The following ITGBL1 variants were observed in gnomAD, a reference collection of about 807,000 sequenced individuals.
ITGBL1 encodes the protein integrin beta-like protein 1.
A neutral mutation model predicts 68.5 loss-of-function variants in ITGBL1; 51 were observed. That is an observed-to-expected ratio of 0.74 (90% CI 0.59 to 0.94). The LOEUF is 0.94. ITGBL1 is among the 40% of genes least tolerant of loss of function. The pLI, the probability that ITGBL1 is intolerant of heterozygous loss-of-function variation, is 0.00. For missense variants in ITGBL1, 649 were observed against 647.4 expected, an observed-to-expected ratio of 1.00 and a Z score of -0.03; for synonymous variants, 209 against 227.3, an observed-to-expected ratio of 0.92 and a Z score of 0.72.
At chr13:101,640,599 T>A (rs1444791416) in intron 7 of ITGBL1, among the ~76,000 whole-genome samples, 5 of 152,214 alleles carry the variant, frequency 3.3e-5, no homozygotes, top group Admixed American at 6.5e-5. Context: ...TAAATTTTTT[T>A]AATTTGCATT....
At chr13:101,475,609 G>A (rs12871610) in intron 2 of ITGBL1, among the ~76,000 whole-genome samples, 2,155 of 152,124 alleles carry the variant, frequency 0.014, 18 homozygotes, top group Non-Finnish European at 0.022. Flanking sequence ...ACCCAAATAA[G>A]ACTACCTCAA....
chr13:101,622,142 G>T (rs1056442508), intron 7 of ITGBL1, among the ~76,000 whole-genome samples: 1 of 152,052 alleles, frequency 6.6e-6, no homozygotes, highest in African/African-American at 2.4e-5. Flanking sequence ...TTAAACTTTT[G>T]TTCTTAAACA....
At chr13:101,692,498 T>G in intron 7 of ITGBL1, 87 bp from the exon 8 acceptor site, 1 of 820,824 alleles carries the variant, frequency 1.2e-6, no homozygotes, top group Non-Finnish European at 2.1e-6. Flanking sequence ...CTAGGAGATT[T>G]GGGTTTAATA....
chr13:101,701,850 G>T (rs2034144138), intron 8 of ITGBL1, among the ~76,000 whole-genome samples: 1 of 152,068 alleles, frequency 6.6e-6, no homozygotes, highest in African/African-American at 2.4e-5. Flanking sequence ...AAGGGAATGG[G>T]ACTTACTGTT....
chr13:101,590,700 G>C (rs7339404), intron 6 of ITGBL1, among the ~76,000 whole-genome samples: 23 of 151,888 alleles, frequency 1.5e-4, no homozygotes, highest in Non-Finnish European at 2.8e-4. Context: ...CCTCACAACA[G>C]ATCTGTCGCT....
rs549429349 is a variant in ITGBL1, at chr13:101,543,040, G to A, written c.317-24659G>A. On this transcript the variant is annotated intron_variant, in intron 2 of 10. Transcript: ENST00000376180. ...TGCCAGTCTGTGTCTTTTAATTGGA[G>A]CATTTAGCCTATTTACATTTAAGGT... Among the ~76,000 whole-genome samples the A allele has an allele frequency of 8.5e-5, 13 of 152,248 alleles. No homozygotes were observed. The South Asian group carries it at 2.5e-3, about 29-fold the overall frequency.
rs962457036 is a variant in ITGBL1, at chr13:101,554,399, C to T, written c.317-13300C>T. On this transcript the variant is annotated intron_variant, in intron 2 of 10. Transcript: ENST00000376180. ...CAGGGCTTTGCCACTGTCACCTGGT[C>T]CCTGCTTATGTCTCATTTCTCTAGC... Among the ~76,000 whole-genome samples, 6 of 152,180 alleles carry T rather than the reference C, an allele frequency of 3.9e-5. No homozygotes were observed. In the East Asian group the frequency reaches 1.2e-3, roughly 29 times the overall value.
At chr13:101,567,648 G>A (rs761535324) in intron 2 of ITGBL1, 51 bp from the exon 3 acceptor site, 13 of 1,571,574 alleles carry the variant, frequency 8.3e-6, no homozygotes, top group Non-Finnish European at 1.1e-5. Context: ...TACAGTAGTG[G>A]TTATCTTTGG....
Position 101,692,581 on chromosome 13 carries a change from C to A in ITGBL1, c.1016-4C>A. The A allele has an allele frequency of 6.3e-7, 1 of 1,599,114 alleles. No individual in the cohort carries two copies. The highest frequency in any genetic ancestry group is 8.6e-7 in the Non-Finnish European group (1 of 1,166,414). ...TAAGTGTGCACTTTCTTTATACTTTCCAGGTAAATGTGAATGTGGCAAATG... is the reference window on the plus strand; with the variant it reads ...TAAGTGTGCACTTTCTTTATACTTTACAGGTAAATGTGAATGTGGCAAATG... On this transcript the variant is annotated splice_region_variant and splice_polypyrimidine_tract_variant and intron_variant, in intron 7 of 10. Coordinates refer to ENST00000376180, the MANE Select transcript of ITGBL1 (RefSeq NM_004791.3).
At chr13:101,556,696 A>G (rs2139225308) in intron 2 of ITGBL1, among the ~76,000 whole-genome samples, 1 of 152,188 alleles carries the variant, frequency 6.6e-6, no homozygotes, top group African/African-American at 2.4e-5. Context: ...ATGTAATTGG[A>G]GTGATTGGAG....
chr13:101,505,993 T>TGACA (rs2049021222), intron 2 of ITGBL1, among the ~76,000 whole-genome samples: 1 of 152,276 alleles, frequency 6.6e-6, no homozygotes, highest in African/African-American at 2.4e-5. Flanking sequence ...GGCCCTGGGA[T>TGACA]GACAGTACAG....
At chr13:101,507,206 A>G (rs2139100069) in intron 2 of ITGBL1, among the ~76,000 whole-genome samples, 1 of 152,234 alleles carries the variant, frequency 6.6e-6, no homozygotes. Context: ...GAGAAGTCAG[A>G]GCTATTTATT....
At chr13:101,643,746 G>A (rs1046950762) in intron 7 of ITGBL1, among the ~76,000 whole-genome samples, 1 of 152,102 alleles carries the variant, frequency 6.6e-6, no homozygotes, top group African/African-American at 2.4e-5. Flanking sequence ...GGCTGGGAGA[G>A]TAGCTTGATC....
intron 6 of ITGBL1, among the ~76,000 whole-genome samples, chr13:101,593,269 C>A (rs1233906468): frequency 6.6e-6 from 1 of 151,788 alleles, no homozygotes; most frequent in African/African-American, 2.4e-5. Flanking sequence ...CAAAAGAAAA[C>A]AAATGTTGGC....
chr13:101,476,269 AG>A (rs1391635909), intron 2 of ITGBL1, among the ~76,000 whole-genome samples: 6 of 152,184 alleles, frequency 3.9e-5, no homozygotes, highest in Admixed American at 1.3e-4. Context: ...TGTTGTCATC[AG>A]TTTAAAATAA....
intron 7 of ITGBL1, among the ~76,000 whole-genome samples, chr13:101,654,153 G>C (rs1427510338): frequency 6.6e-6 from 1 of 152,104 alleles, no homozygotes; most frequent in East Asian, 1.9e-4. Context: ...AAGGATCACT[G>C]TGTTCAGATG....
intron 2 of ITGBL1, among the ~76,000 whole-genome samples, chr13:101,455,388 T>A (rs1025423310): frequency 3.9e-5 from 6 of 152,072 alleles, no homozygotes; most frequent in African/African-American, 1.2e-4. Context: ...TACTGAATGC[T>A]GGGTGGGGTG....
chr13:101,501,448 A>G (rs1234720513), intron 2 of ITGBL1, among the ~76,000 whole-genome samples: 1 of 152,190 alleles, frequency 6.6e-6, no homozygotes, highest in African/African-American at 2.4e-5. Context: ...TGTGAATTCA[A>G]TTTCCAGGCA....
chr13:101,649,202 C>G (rs1220926073), intron 7 of ITGBL1, among the ~76,000 whole-genome samples: 1 of 152,070 alleles, frequency 6.6e-6, no homozygotes, highest in Non-Finnish European at 1.5e-5. Context: ...AATGTGAAAA[C>G]ACATCTGTTT....
Sources: gnomAD v4.1 joint callset for allele counts (sites outside exome capture counted in the v4.1 genomes callset) on GRCh38, gnomAD v4.1.1 for gene constraint, MANE v1.5 for transcripts, NCBI Gene and HGNC (gene_info 2026-07-23, HGNC 2026-07-21) for gene names.